The following PACRG variants were observed in gnomAD, a reference collection of about 807,000 sequenced individuals.
The protein encoded by PACRG is parkin coregulated gene protein.
In PACRG, 29 loss-of-function variants were observed where a neutral mutation model predicts 29.7. The observed-to-expected ratio is 0.98, with a 90% CI of 0.73 to 1.33. PACRG has a LOEUF of 1.33. Among genes scored for constraint, PACRG ranks in the 40% most tolerant of loss-of-function variants. The pLI, the probability that PACRG is intolerant of heterozygous loss-of-function variation, is 0.00. For missense variants in PACRG, 279 were observed against 316.2 expected, an observed-to-expected ratio of 0.88 and a Z score of 0.89; for synonymous variants, 116 against 118.7, an observed-to-expected ratio of 0.98 and a Z score of 0.15.
chr6:163,234,424 C>G (rs975296443), intron 4 of PACRG, among the ~76,000 whole-genome samples: 2 of 152,184 alleles, frequency 1.3e-5, no homozygotes, highest in Admixed American at 6.5e-5. Context: ...TCTGCACACA[C>G]CAGCTCCCCT....
chr6:163,268,630 A>G (rs1351084088), intron 4 of PACRG, among the ~76,000 whole-genome samples: 1 of 151,500 alleles, frequency 6.6e-6, no homozygotes, highest in African/African-American at 2.4e-5. Flanking sequence ...TTTTTTTCCA[A>G]TTGTTTTATG....
At chr6:162,825,082 A>G (rs1788163738) in intron 2 of PACRG, among the ~76,000 whole-genome samples, 1 of 152,140 alleles carries the variant, frequency 6.6e-6, no homozygotes, top group Non-Finnish European at 1.5e-5. Flanking sequence ...TTTAATTGCC[A>G]TATTAAGAAA....
At chr6:162,821,290 T>G (rs1787820354) in intron 2 of PACRG, among the ~76,000 whole-genome samples, 1 of 152,102 alleles carries the variant, frequency 6.6e-6, no homozygotes, top group Admixed American at 6.5e-5. Flanking sequence ...GCATACGCCA[T>G]CTCATCGAGC....
chr6:163,056,318 C>A (rs1810586394), intron 2 of PACRG, among the ~76,000 whole-genome samples: 1 of 152,180 alleles, frequency 6.6e-6, no homozygotes, highest in Non-Finnish European at 1.5e-5. Flanking sequence ...TTCACAATAA[C>A]CAAATGGCAG....
intron 1 of PACRG, among the ~76,000 whole-genome samples, chr6:162,741,685 C>G (rs1780613651): frequency 6.6e-6 from 1 of 152,140 alleles, no homozygotes; most frequent in African/African-American, 2.4e-5. Flanking sequence ...CAGTCAGTAT[C>G]AGGTAAGAGA....
chr6:162,916,363 T>C (rs577546076), intron 2 of PACRG, among the ~76,000 whole-genome samples: 2 of 152,316 alleles, frequency 1.3e-5, no homozygotes, highest in South Asian at 4.1e-4. Context: ...TGTTTGGTCA[T>C]GGTTTCTTTG....
chr6:163,240,254 G>A (rs1782446654), intron 4 of PACRG, among the ~76,000 whole-genome samples: 1 of 151,448 alleles, frequency 6.6e-6, no homozygotes, highest in Admixed American at 6.6e-5. Context: ...GGAGGAGGGG[G>A]GGACGTGCAA....
At chr6:162,922,868 A>G (rs1020796690) in intron 2 of PACRG, among the ~76,000 whole-genome samples, 5 of 152,222 alleles carry the variant, frequency 3.3e-5, no homozygotes, top group Admixed American at 2.0e-4. Flanking sequence ...TGCAATAAAT[A>G]CAGAGATGCA....
intron 4 of PACRG, among the ~76,000 whole-genome samples, chr6:163,157,381 G>A (rs1778369143): frequency 1.3e-5 from 2 of 152,112 alleles, no homozygotes; most frequent in Admixed American, 1.3e-4. Flanking sequence ...CCTCCGAGGT[G>A]GAACGGCACA....
intron 4 of PACRG, 45 bp downstream of exon 4, chr6:163,089,453 AG>A (rs1562904570): frequency 6.3e-7 from 1 of 1,597,848 alleles, no homozygotes. Flanking sequence ...CCAAAGAAAA[AG>A]GGAGTGGTTT....
chr6:163,145,885 G>T (rs1429646547), intron 4 of PACRG, among the ~76,000 whole-genome samples: 5 of 152,198 alleles, frequency 3.3e-5, no homozygotes, highest in Non-Finnish European at 1.5e-5. Flanking sequence ...AAGGAGACCT[G>T]CAGGGTGAGA....
intron 4 of PACRG, among the ~76,000 whole-genome samples, chr6:163,294,970 G>T (rs1050969858): frequency 6.6e-6 from 1 of 152,210 alleles, no homozygotes; most frequent in Non-Finnish European, 1.5e-5. Flanking sequence ...TGTACCATGG[G>T]CTCCTCCTCT....
chr6:162,754,588 C>A (rs956394636), intron 1 of PACRG, among the ~76,000 whole-genome samples: 2 of 151,910 alleles, frequency 1.3e-5, no homozygotes, highest in Non-Finnish European at 2.9e-5. Context: ...TTCTAGTTGT[C>A]TTACCCTTTC....
chr6:162,822,901 A>ATATATG (rs1436638026), intron 2 of PACRG, among the ~76,000 whole-genome samples: 4 of 152,130 alleles, frequency 2.6e-5, no homozygotes, highest in Non-Finnish European at 5.9e-5. Context: ...GTATTATAAC[A>ATATATG]TATATGTATA....
At chr6:162,758,511 T>C (rs1458298143) in intron 1 of PACRG, among the ~76,000 whole-genome samples, 1 of 152,202 alleles carries the variant, frequency 6.6e-6, no homozygotes, top group Non-Finnish European at 1.5e-5. Context: ...GGTTCATTAT[T>C]TGTGGTACCA....
At chr6:162,731,980 A>G (rs1320097983) in intron 1 of PACRG, among the ~76,000 whole-genome samples, 3 of 152,078 alleles carry the variant, frequency 2.0e-5, no homozygotes, top group Non-Finnish European at 4.4e-5. Context: ...ATCCTGTAAA[A>G]TGACACCTGA....
intron 4 of PACRG, among the ~76,000 whole-genome samples, chr6:163,159,337 T>A (rs1778454064): frequency 1.3e-5 from 2 of 148,762 alleles, no homozygotes; most frequent in Non-Finnish European, 3.0e-5. Flanking sequence ...ACATTTTAGC[T>A]AAAAATAATA....
chr6:162,949,928 CT>C (rs1328441383), intron 2 of PACRG, among the ~76,000 whole-genome samples: 2 of 152,118 alleles, frequency 1.3e-5, no homozygotes, highest in Non-Finnish European at 2.9e-5. Context: ...GGATGTGGAA[CT>C]GAAAGACTGG....
chr6:163,200,612 CGA>C (rs1780657452), intron 4 of PACRG, among the ~76,000 whole-genome samples: 1 of 152,058 alleles, frequency 6.6e-6, no homozygotes. Context: ...AGGACTGCAC[CGA>C]GAGTCTTTTC....
Sources: allele counts gnomAD v4.1 joint callset (sites outside exome capture counted in the v4.1 genomes callset), GRCh38; gene constraint gnomAD v4.1.1; transcripts MANE v1.5; gene names NCBI Gene and HGNC (gene_info 2026-07-23, HGNC 2026-07-21).